Variants in STOX2 observed in about 807,000 individuals in gnomAD.
STOX2 encodes storkhead-box protein 2.
A neutral mutation model predicts 60.9 loss-of-function variants in STOX2; 28 were observed. The ratio of observed to expected loss-of-function variants is 0.46; its 90% CI spans 0.34 to 0.63. The LOEUF (loss-of-function observed/expected upper bound fraction) is 0.63. Among genes scored for constraint, STOX2 ranks in the 30% least tolerant of loss-of-function variants. The pLI is 0.01. For synonymous variants in STOX2, 472 were observed against 463.9 expected (o/e 1.02, Z -0.22); for missense variants, 1,024 against 1,187.7 (o/e 0.86, Z 2.03).
At chr4:183,807,830 T>A (rs767418418) in intron 1 of STOX2, among the ~76,000 whole-genome samples, 3 of 151,972 alleles carry the variant, frequency 2.0e-5, no homozygotes, top group African/African-American at 7.3e-5. Context: ...AGGGAGAAGA[T>A]AGAGGAAGAG....
chr4:183,843,293 T>C (rs987702259), intron 1 of STOX2, among the ~76,000 whole-genome samples: 3 of 152,132 alleles, frequency 2.0e-5, no homozygotes, highest in Admixed American at 6.5e-5. Context: ...GGCCACACAG[T>C]TCACACAGAG....
At chr4:183,802,411 G>A (rs1294537596) in intron 1 of STOX2, among the ~76,000 whole-genome samples, 6 of 152,128 alleles carry the variant, frequency 3.9e-5, no homozygotes, top group Non-Finnish European at 8.8e-5. Context: ...GTTTCATTCT[G>A]TTGCCCAGGC....
At chr4:183,804,278 T>G (rs1228225347) in intron 1 of STOX2, among the ~76,000 whole-genome samples, 2 of 152,184 alleles carry the variant, frequency 1.3e-5, no homozygotes, top group Non-Finnish European at 2.9e-5. Flanking sequence ...ACCCAGGCCC[T>G]GGGATGCTAG....
intron 1 of STOX2, among the ~76,000 whole-genome samples, chr4:183,923,230 T>C (rs769196254): frequency 1.1e-4 from 16 of 152,248 alleles, no homozygotes; most frequent in Admixed American, 2.0e-4. Flanking sequence ...TGCACCATTT[T>C]GCATACCCAC....
At chr4:183,833,750 A>AGGC (rs1267112159) in intron 1 of STOX2, among the ~76,000 whole-genome samples, 1 of 147,974 alleles carries the variant, frequency 6.8e-6, no homozygotes, top group Non-Finnish European at 1.5e-5. Flanking sequence ...TGGGAGGCCG[A>AGGC]GGCGGGCGGA....
intron 1 of STOX2, among the ~76,000 whole-genome samples, chr4:183,877,630 T>TAAAG (rs1433760906): frequency 6.6e-6 from 1 of 152,172 alleles, no homozygotes; most frequent in Non-Finnish European, 1.5e-5. Flanking sequence ...GTTATTAACT[T>TAAAG]TATTAAGAAT....
intron 1 of STOX2, among the ~76,000 whole-genome samples, chr4:183,847,283 A>G (rs1372849878): frequency 6.6e-6 from 1 of 152,204 alleles, no homozygotes; most frequent in African/African-American, 2.4e-5. Flanking sequence ...CCAGGATTAC[A>G]TGGGAACTTT....
At chr4:184,015,947 A>G (rs1734352410) in intron 3 of STOX2, 1 of 152,224 alleles carries the variant, frequency 6.6e-6, no homozygotes, top group Non-Finnish European at 1.5e-5. Flanking sequence ...CCATTGCCCT[A>G]TACATTTGAA....
chr4:184,009,653 G>A lies in STOX2; in HGVS notation c.815G>A (p.Arg272Gln). ...AAAAAATTCGGGCTAAAGTTATTCC[G>A]GTTAAGTTTTAAAAAAGACAAGACC... ...QSKKFGLKLF[R>Q]LSFKKDKTKQ... The change falls in exon 3 of 4, where the codon CGG (arginine) becomes CAG (glutamine). Residue 272 changes from arginine (R) to glutamine (Q), a missense_variant. By Grantham distance (43) the Arg-to-Gln change is conservative. Transcript: ENST00000308497. The surrounding 1 kb of genome is among the most constrained non-coding windows in gnomAD (Gnocchi z 4.0). 2.5e-6 allele frequency: 4 copies of A among 1,613,744 alleles called. No homozygotes were observed. The highest frequency in any genetic ancestry group is 3.4e-6 in the Non-Finnish European group (4 of 1,179,882).
At chr4:183,944,920 A>G (rs1333533753) in intron 1 of STOX2, among the ~76,000 whole-genome samples, 6 of 152,254 alleles carry the variant, frequency 3.9e-5, no homozygotes, top group Non-Finnish European at 8.8e-5. Flanking sequence ...CATCAGCAAA[A>G]AAGACACAGC....
intron 1 of STOX2, among the ~76,000 whole-genome samples, chr4:183,858,223 C>A (rs182457141): frequency 6.6e-6 from 1 of 152,350 alleles, no homozygotes; most frequent in African/African-American, 2.4e-5. Flanking sequence ...TCAGACAAAG[C>A]AGCTCCACAG....
At chr4:183,817,769 G>A (rs750028716) in intron 1 of STOX2, among the ~76,000 whole-genome samples, 3 of 152,148 alleles carry the variant, frequency 2.0e-5, no homozygotes, top group Non-Finnish European at 4.4e-5. Flanking sequence ...TTTTCTCACC[G>A]ATGGTATTGA....
Position 183,906,831 on chromosome 4 carries a change from C to G in STOX2, c.41C>G (p.Pro14Arg). 1 of 1,557,594 alleles carries G rather than the reference C, an allele frequency of 6.4e-7. No homozygotes were observed. Among genetic ancestry groups the G allele is most frequent in the Non-Finnish European group, 8.7e-7 (1 of 1,150,792 alleles). Residue 14 changes from proline to arginine, a missense_variant, in exon 1 of 4, where the codon CCT becomes CGT. Transcript: ENST00000308497. ...AGCACAACCTTGCGGCGAGCCTGGC[C>G]TAGCTCGGATTTCTCGGACCGGGCC... ...TRSTTLRRAW[P>R]SSDFSDRASD... is the part of the protein sequence containing the mutation.
In STOX2 at chr4:184,022,432, T is replaced by C. The variant is rs1337005989; in HGVS notation, c.*5148T>C. The C allele has an allele frequency of 1.3e-5, 2 of 152,080 alleles. No individual in the cohort carries two copies. The highest frequency in any genetic ancestry group is 4.8e-5 in the African/African-American group (2 of 41,404). 9.4% of individuals were successfully genotyped at this position (152,080 alleles called of 1,614,324 possible). On this transcript the variant is annotated 3_prime_UTR_variant, in exon 4 of 4. Transcript: ENST00000308497. ...GACTTACAGTTGATGATTCACAAGA[T>C]TCAGGATTCTACAAGACTCAAGGGG...
chr4:183,875,918 T>TA, intron 1 of STOX2, among the ~76,000 whole-genome samples: 1 of 152,168 alleles, frequency 6.6e-6, no homozygotes. Flanking sequence ...GATGGGGTCT[T>TA]ACTATGTTGC....
At chr4:183,877,008 C>T (rs555038108) in intron 1 of STOX2, among the ~76,000 whole-genome samples, 8 of 152,058 alleles carry the variant, frequency 5.3e-5, no homozygotes, top group Admixed American at 3.3e-4. Context: ...GGCCACCACT[C>T]GGCTTCAGGA....
chr4:184,007,045 A>AAACAAAAAAC (rs1553987518), intron 2 of STOX2, among the ~76,000 whole-genome samples: 10 of 118,474 alleles, frequency 8.4e-5, no homozygotes, highest in African/African-American at 3.1e-4. Flanking sequence ...AAACAAAAAA[A>AAACAAAAAAC]AAATTTTGTT....
chr4:183,913,696 T>C lies in STOX2; in HGVS notation c.166+6740T>C, dbSNP rs1232171638. Among the ~76,000 whole-genome samples the C allele has an allele frequency of 3.3e-5, 5 of 151,882 alleles. No individual in the cohort carries two copies. In the South Asian group the frequency reaches 1.0e-3, roughly 32 times the overall value. ...TGAGGCAGGAGAATCTCTTGAACCC[T>C]GGAGGTGGAGGTTGCAGTGAGCTGA... On this transcript the variant is annotated intron_variant, in intron 1 of 3. Transcript: ENST00000308497.
At chr4:183,928,992 C>G (rs770734446) in intron 1 of STOX2, among the ~76,000 whole-genome samples, 7 of 152,172 alleles carry the variant, frequency 4.6e-5, no homozygotes, top group Non-Finnish European at 1.0e-4. Context: ...ATACTTGTAA[C>G]ACAAGCCCCG....
Sources: gnomAD v4.1 joint callset for allele counts (sites outside exome capture counted in the v4.1 genomes callset) on GRCh38, gnomAD v4.1.1 for gene constraint, Gnocchi (gnomAD v3.1) non-coding constraint, MANE v1.5 for transcripts, NCBI Gene and HGNC (gene_info 2026-07-23, HGNC 2026-07-21) for gene names.